Variants in UGGT2 observed in about 807,000 individuals in gnomAD.
UGGT2 encodes the protein UDP-glucose glycoprotein glucosyltransferase 2.
Under a neutral mutation model 192.1 loss-of-function variants are expected in UGGT2, and 180 were observed. The ratio of observed to expected loss-of-function variants is 0.94; its 90% CI spans 0.83 to 1.06. The LOEUF is 1.06. UGGT2 is among the 50% of genes least tolerant of loss of function. The probability of loss-of-function intolerance (pLI) is 0.00; values close to 1 mark genes in which losing one functional copy is unlikely to be tolerated. For synonymous variants in UGGT2, 580 were observed against 591.0 expected, an observed-to-expected ratio of 0.98 and a Z score of 0.27; for missense variants, 1,849 against 1,795.7, an observed-to-expected ratio of 1.03 and a Z score of -0.54.
intron 38 of UGGT2, among the ~76,000 whole-genome samples, chr13:95,818,233 A>G (rs1885114344): frequency 6.6e-6 from 1 of 152,200 alleles, no homozygotes; most frequent in South Asian, 2.1e-4. Flanking sequence ...AAATTGCTTG[A>G]GCCCAGGAGA....
intron 12 of UGGT2, among the ~76,000 whole-genome samples, chr13:95,956,221 T>C (rs1334128005): frequency 6.6e-6 from 1 of 152,044 alleles, no homozygotes; most frequent in Non-Finnish European, 1.5e-5. Flanking sequence ...GACATACAGA[T>C]CAGTGGAATA....
Position 95,927,263 on chromosome 13 carries a change from G to GTATTTA in UGGT2, c.2045_2050dup (p.Ile682_Asn683dup). On this transcript the variant is annotated inframe_insertion, in exon 18 of 39. Coordinates refer to ENST00000376747, the MANE Select transcript of UGGT2 (RefSeq NM_020121.4). ...CTGCTGGTTAGTACGCAAAATCAAA[G>GTATTTA]TATTTATACGGGGTACAACATTATT... 6.2e-7 allele frequency: 1 copy of GTATTTA among 1,612,434 alleles called. No homozygotes were observed. The highest frequency in any genetic ancestry group is 8.5e-7 in the Non-Finnish European group (1 of 1,179,146).
chr13:95,914,710 G>A (rs941458887), intron 20 of UGGT2, among the ~76,000 whole-genome samples: 5 of 149,270 alleles, frequency 3.3e-5, no homozygotes, highest in Non-Finnish European at 4.4e-5. Context: ...TGAGGCAGGA[G>A]AATCACTTGA....
At chr13:95,803,246 A>G (rs1312127597) in intron 38 of UGGT2, among the ~76,000 whole-genome samples, 3 of 152,022 alleles carry the variant, frequency 2.0e-5, no homozygotes, top group East Asian at 3.9e-4. Flanking sequence ...AGAGGGGGAA[A>G]GAGGTTTTTG....
intron 19 of UGGT2, among the ~76,000 whole-genome samples, 186 bp from the exon 20 acceptor site, chr13:95,925,960 C>T (rs2049003129): frequency 6.6e-6 from 1 of 151,744 alleles, no homozygotes; most frequent in Admixed American, 6.6e-5. Context: ...AAAATAAATA[C>T]ATATAAAATT....
intron 22 of UGGT2, among the ~76,000 whole-genome samples, chr13:95,895,641 A>G (rs1391622077): frequency 3.3e-5 from 5 of 152,044 alleles, no homozygotes; most frequent in African/African-American, 7.2e-5. Flanking sequence ...AACATAAATC[A>G]TGATGCTTCC....
intron 12 of UGGT2, among the ~76,000 whole-genome samples, chr13:95,960,430 C>T (rs954393771): frequency 6.6e-6 from 1 of 152,052 alleles, no homozygotes; most frequent in African/African-American, 2.4e-5. Context: ...TGAAAAGCTT[C>T]AGCAGTGGAC....
chr13:95,965,738 TATA>T (rs778656416), intron 12 of UGGT2, among the ~76,000 whole-genome samples: 1 of 151,852 alleles, frequency 6.6e-6, no homozygotes, highest in Non-Finnish European at 1.5e-5. Flanking sequence ...AACTTAAAAG[TATA>T]ATAATAATGA....
chr13:95,891,688 T>C (rs1236024446), intron 24 of UGGT2, among the ~76,000 whole-genome samples: 2 of 152,170 alleles, frequency 1.3e-5, no homozygotes, highest in Non-Finnish European at 2.9e-5. Flanking sequence ...TATAATCATG[T>C]AGGAAATATT....
chr13:95,868,116 A>G lies in UGGT2; in HGVS notation c.3474-693T>C, dbSNP rs114500374. On this transcript the variant is annotated intron_variant, in intron 29 of 38. Coordinates refer to ENST00000376747, the MANE Select transcript of UGGT2 (RefSeq NM_020121.4). ...TGAAGGGGAAGCAATCAGATGTCAA[A>G]TTAGTATAGTTACTTTTGAGTTGTT... 3.1e-3 allele frequency among the ~76,000 whole-genome samples: 470 copies of G among 152,328 alleles called. 6 individuals are homozygous for G. Among genetic ancestry groups the G allele is most frequent in the African/African-American group, 0.011 (450 of 41,580 alleles).
At chr13:95,828,360 C>G (rs891625085) in intron 38 of UGGT2, among the ~76,000 whole-genome samples, 1 of 152,008 alleles carries the variant, frequency 6.6e-6, no homozygotes, top group Non-Finnish European at 1.5e-5. Flanking sequence ...AAAAACCCTT[C>G]AAAAAATCAA....
At chr13:95,923,669 C>T (rs1594338798) in intron 20 of UGGT2, among the ~76,000 whole-genome samples, 1 of 152,228 alleles carries the variant, frequency 6.6e-6, no homozygotes, top group Middle Eastern at 3.4e-3. Context: ...AACAAAACCA[C>T]CTGAATTTTC....
chr13:95,924,318 A>C (rs950263332), intron 20 of UGGT2, among the ~76,000 whole-genome samples: 30 of 147,578 alleles, frequency 2.0e-4, no homozygotes, highest in African/African-American at 6.7e-4. Flanking sequence ...AAGAATATAC[A>C]CACCCAGAAC....
intron 17 of UGGT2, 77 bp from the exon 18 acceptor site, chr13:95,927,413 A>G: frequency 8.1e-7 from 1 of 1,234,728 alleles, no homozygotes. Context: ...GATAACACAA[A>G]GATTACTTAA....
At chr13:95,952,229 T>C (rs1281832688) in intron 12 of UGGT2, among the ~76,000 whole-genome samples, 1 of 151,586 alleles carries the variant, frequency 6.6e-6, no homozygotes, top group Non-Finnish European at 1.5e-5. Flanking sequence ...AAAAAAGAAA[T>C]TAACAAAAAA....
chr13:96,007,857 A>T (rs1421946504), intron 5 of UGGT2, among the ~76,000 whole-genome samples: 1 of 152,090 alleles, frequency 6.6e-6, no homozygotes, highest in East Asian at 1.9e-4. Flanking sequence ...GCACCAATGG[A>T]ACAGAATAGA....
intron 14 of UGGT2, 105 bp downstream of exon 14, chr13:95,947,891 A>G: frequency 1.2e-6 from 1 of 835,048 alleles, no homozygotes; most frequent in Non-Finnish European, 1.9e-6. Context: ...CAGGCACTAG[A>G]GCTAACCATC....
At chr13:95,811,186 A>ATT (rs1282207579) in intron 38 of UGGT2, among the ~76,000 whole-genome samples, 17 of 152,212 alleles carry the variant, frequency 1.1e-4, no homozygotes, top group Admixed American at 1.1e-3. Context: ...TTTGGAAAAC[A>ATT]GTCTGACAGT....
At chr13:95,957,510 G>A (rs1436870375) in intron 12 of UGGT2, among the ~76,000 whole-genome samples, 1 of 152,164 alleles carries the variant, frequency 6.6e-6, no homozygotes, top group Non-Finnish European at 1.5e-5. Context: ...GCAGCAGGGT[G>A]GCAGAGAAGG....
Sources: gnomAD v4.1 joint callset for allele counts (sites outside exome capture counted in the v4.1 genomes callset) on GRCh38, gnomAD v4.1.1 for gene constraint, MANE v1.5 for transcripts, NCBI Gene and HGNC (gene_info 2026-07-23, HGNC 2026-07-21) for gene names.